UNC5C: variants seen among roughly 807,000 people sequenced by gnomAD.
The protein encoded by UNC5C is netrin receptor UNC5C.
Under a neutral mutation model 99.8 loss-of-function variants are expected in UNC5C, and 47 were observed. The ratio of observed to expected loss-of-function variants is 0.47; its 90% confidence interval spans 0.37 to 0.60. UNC5C has a LOEUF of 0.60. UNC5C is among the 20% of genes least tolerant of loss of function. The probability of loss-of-function intolerance (pLI) is 0.00; values close to 1 mark genes in which losing one functional copy is unlikely to be tolerated. For synonymous variants in UNC5C, 487 were observed against 452.2 expected, an observed-to-expected ratio of 1.08 and a Z score of -0.98; for missense variants, 1,062 against 1,165.9, an observed-to-expected ratio of 0.91 and a Z score of 1.30.
intron 1 of UNC5C, among the ~76,000 whole-genome samples, chr4:95,542,786 T>C (rs1304947578): frequency 2.0e-5 from 3 of 152,074 alleles, no homozygotes; most frequent in African/African-American, 7.2e-5. Flanking sequence ...ATTCTTCTGG[T>C]GGCTCCATAC....
chr4:95,394,489 A>C (rs1220383292), intron 1 of UNC5C, among the ~76,000 whole-genome samples: 2 of 152,238 alleles, frequency 1.3e-5, no homozygotes, highest in African/African-American at 4.8e-5. Context: ...CAAAAAATAT[A>C]AAGGAGTACT....
In UNC5C at chr4:95,518,104, C is replaced by A. The variant is rs117376166; in HGVS notation, c.124+30630G>T. Among the ~76,000 whole-genome samples the A allele has an allele frequency of 3.3e-4, 51 of 152,252 alleles. No homozygotes were observed. The East Asian group carries it at 8.7e-3, about 26-fold the overall frequency. ...GTGTTATTCAACATAACCCTTCAGT[C>A]CTTGTCCAAGAACTAATAAAGCACC... On this transcript the variant is annotated intron_variant, in intron 1 of 15. Transcript: ENST00000453304.
intron 1 of UNC5C, among the ~76,000 whole-genome samples, chr4:95,533,282 C>A (rs1207819549): frequency 2.0e-5 from 3 of 151,740 alleles, no homozygotes; most frequent in Admixed American, 1.3e-4. Flanking sequence ...GTCTGTAATG[C>A]CAGCGACTTG....
chr4:95,234,499 C>T (rs542296464), intron 7 of UNC5C, among the ~76,000 whole-genome samples: 1 of 151,872 alleles, frequency 6.6e-6, no homozygotes, highest in Admixed American at 6.6e-5. Context: ...TTTAACTTAC[C>T]TTTCTTATTC....
intron 1 of UNC5C, among the ~76,000 whole-genome samples, chr4:95,507,323 C>T (rs1237051559): frequency 1.3e-5 from 2 of 151,898 alleles, no homozygotes; most frequent in Non-Finnish European, 2.9e-5. Context: ...AGATAAACGA[C>T]AGCTGCTAAC....
At chr4:95,235,377 A>G (rs903748266) in intron 7 of UNC5C, among the ~76,000 whole-genome samples, 9 of 152,244 alleles carry the variant, frequency 5.9e-5, no homozygotes, top group African/African-American at 2.2e-4. Flanking sequence ...TAGATTCTGG[A>G]TATTAGCCCT....
intron 1 of UNC5C, among the ~76,000 whole-genome samples, chr4:95,427,393 C>G (rs1311852519): frequency 6.6e-6 from 1 of 152,176 alleles, no homozygotes; most frequent in Non-Finnish European, 1.5e-5. Context: ...GGGTAAAATA[C>G]TATGAAACTG....
At chr4:95,224,603 A>AATTCATTCATTCATTC (rs35707866) in intron 7 of UNC5C, among the ~76,000 whole-genome samples, 23 of 150,974 alleles carry the variant, frequency 1.5e-4, no homozygotes, top group African/African-American at 4.6e-4. Flanking sequence ...ACAGAATTGG[A>AATTCATTCATTCATTC]ATTCATTCAT....
chr4:95,471,597 A>G (rs1178037169), intron 1 of UNC5C, among the ~76,000 whole-genome samples: 3 of 152,082 alleles, frequency 2.0e-5, no homozygotes. Flanking sequence ...CCTCAAATTC[A>G]TTGATATCAT....
chr4:95,274,036 T>G (rs1740761789), intron 4 of UNC5C, among the ~76,000 whole-genome samples: 1 of 152,232 alleles, frequency 6.6e-6, no homozygotes, highest in Admixed American at 6.5e-5. Context: ...AAGTGACTTA[T>G]AACCTGCTGG....
Position 95,182,903 on chromosome 4 carries a change from C to A in UNC5C, c.2445G>T (p.Val815=). 1 of 1,611,878 alleles carries A rather than the reference C, an allele frequency of 6.2e-7. No individual in the cohort carries two copies. The highest frequency in any genetic ancestry group is 8.5e-7 in the Non-Finnish European group (1 of 1,178,262). ...EGQIFQLNCT[V]SEEPTGIDLP... is the part of the protein sequence containing the mutation. ...ACAGACAGGAGCCACTTACCTCTGA[C>A]ACGGTGCAGTTGAGCTGGAAGATCT... The change falls in exon 14 of 16, where the codon GTG becomes GTT. Residue 815 remains valine, a synonymous_variant. Coordinates refer to ENST00000453304, the MANE Select transcript of UNC5C (RefSeq NM_003728.4).
intron 4 of UNC5C, among the ~76,000 whole-genome samples, chr4:95,261,161 G>A (rs1740210486): frequency 6.6e-6 from 1 of 152,082 alleles, no homozygotes; most frequent in Non-Finnish European, 1.5e-5. Flanking sequence ...GGAAAAAGCT[G>A]GGACACCAAG....
At chr4:95,276,622 C>G (rs1308372005) in intron 4 of UNC5C, among the ~76,000 whole-genome samples, 1 of 152,102 alleles carries the variant, frequency 6.6e-6, no homozygotes, top group Non-Finnish European at 1.5e-5. Context: ...AGGAGGTGTG[C>G]ATTAATATTT....
chr4:95,429,376 A>C (rs377174064), intron 1 of UNC5C, among the ~76,000 whole-genome samples: 1 of 151,800 alleles, frequency 6.6e-6, no homozygotes, highest in African/African-American at 2.4e-5. Flanking sequence ...GTACTATATT[A>C]AGTACACTTT....
intron 4 of UNC5C, among the ~76,000 whole-genome samples, chr4:95,252,034 G>A (rs749680859): frequency 6.6e-6 from 1 of 152,186 alleles, no homozygotes; most frequent in Non-Finnish European, 1.5e-5. Context: ...ATTTACAACA[G>A]TGGGTGTTTT....
intron 1 of UNC5C, among the ~76,000 whole-genome samples, chr4:95,474,481 G>C (rs1748076179): frequency 6.6e-6 from 1 of 151,840 alleles, no homozygotes; most frequent in Admixed American, 6.6e-5. Context: ...GTAGAGATGG[G>C]GTTTCACCAT....
At chr4:95,514,498 A>G (rs374293564) in intron 1 of UNC5C, among the ~76,000 whole-genome samples, 13 of 151,768 alleles carry the variant, frequency 8.6e-5, no homozygotes, top group East Asian at 3.9e-4. Context: ...GTTATTATAT[A>G]CTTCTATAAT....
In UNC5C at chr4:95,352,307, A is replaced by AG. The variant is rs541439042; in HGVS notation, c.125-16677dup. Among the ~76,000 whole-genome samples, 336 of 152,170 alleles carry AG rather than the reference A, an allele frequency of 2.2e-3. 1 individual carries two copies. The highest frequency in any genetic ancestry group is 7.1e-3 in the African/African-American group (296 of 41,530). On this transcript the variant is annotated intron_variant, in intron 1 of 15. Transcript: ENST00000453304. ...AACACACCAAACTCATTTCCACCCT[A>AG]GGGTATTCACACTTGCCCTTCACTT...
intron 1 of UNC5C, among the ~76,000 whole-genome samples, chr4:95,397,556 CTAAATA>C (rs1251665034): frequency 3.3e-5 from 5 of 152,156 alleles, no homozygotes; most frequent in Non-Finnish European, 5.9e-5. Context: ...TACGTACATC[CTAAATA>C]TATTCTTCCA....
Sources: gnomAD v4.1 joint callset for allele counts (sites outside exome capture counted in the v4.1 genomes callset) on GRCh38, gnomAD v4.1.1 for gene constraint, MANE v1.5 for transcripts, NCBI Gene and HGNC (gene_info 2026-07-23, HGNC 2026-07-21) for gene names.